Variants in SH3D19 observed in about 807,000 individuals in gnomAD.
SH3D19 encodes SH3 domain-containing protein 19.
SH3D19 carries 58 observed loss-of-function variants against 112.1 expected under a neutral mutation model. The observed-to-expected ratio is 0.52, with a 90% CI of 0.42 to 0.64. The LOEUF (loss-of-function observed/expected upper bound fraction) is 0.64. Ranked by LOEUF, SH3D19 falls within the 30% of genes least tolerant of loss-of-function variation. The probability of loss-of-function intolerance (pLI) is 0.00; values close to 1 mark genes in which losing one functional copy is unlikely to be tolerated. For synonymous variants in SH3D19, 391 were observed against 448.5 expected, an observed-to-expected ratio of 0.87 and a Z score of 1.62; for missense variants, 1,090 against 1,263.4, an observed-to-expected ratio of 0.86 and a Z score of 2.08.
chr4:151,290,849 A>G (rs931598143), intron 1 of SH3D19, among the ~76,000 whole-genome samples: 9 of 152,228 alleles, frequency 5.9e-5, no homozygotes, highest in Admixed American at 5.9e-4. Flanking sequence ...TAGTGAAAAA[A>G]TCATCTCATT....
intron 1 of SH3D19, among the ~76,000 whole-genome samples, chr4:151,290,870 C>A (rs796515703): frequency 6.6e-6 from 1 of 152,262 alleles, no homozygotes; most frequent in African/African-American, 2.4e-5. Flanking sequence ...AGTTTTATTT[C>A]TCTTTTTATC....
intron 3 of SH3D19, among the ~76,000 whole-genome samples, chr4:151,181,341 A>G (rs966153938): frequency 3.9e-5 from 6 of 152,254 alleles, no homozygotes; most frequent in African/African-American, 1.2e-4. Context: ...TGGAAGTGGA[A>G]GGTGGGAATG....
intron 8 of SH3D19, among the ~76,000 whole-genome samples, chr4:151,164,727 G>A (rs1165665547): frequency 1.3e-5 from 2 of 151,886 alleles, no homozygotes; most frequent in Non-Finnish European, 2.9e-5. Flanking sequence ...CTACAGGCGC[G>A]CAGCACCACA....
At chr4:151,153,316 C>T (rs1243742922) in intron 9 of SH3D19, among the ~76,000 whole-genome samples, 2 of 151,574 alleles carry the variant, frequency 1.3e-5, no homozygotes, top group Non-Finnish European at 2.9e-5. Context: ...GGCGCGATCT[C>T]GGCTCACTGC....
chr4:151,246,683 C>T (rs963626845), intron 1 of SH3D19, among the ~76,000 whole-genome samples: 1 of 152,106 alleles, frequency 6.6e-6, no homozygotes, highest in Admixed American at 6.6e-5. Context: ...CAGGTACTTA[C>T]CTAACTGCTT....
At chr4:151,135,193 T>G in intron 14 of SH3D19, 61 bp from the exon 15 acceptor site, 1 of 1,360,704 alleles carries the variant, frequency 7.3e-7, no homozygotes, top group Non-Finnish European at 1.0e-6. Flanking sequence ...AAGATAAATT[T>G]AAGGTTAAGT....
At chr4:151,307,998 C>G (rs1024056583) in intron 1 of SH3D19, among the ~76,000 whole-genome samples, 1 of 152,160 alleles carries the variant, frequency 6.6e-6, no homozygotes, top group African/African-American at 2.4e-5. Flanking sequence ...CTCCACCTCC[C>G]GGGTTCAAGT....
chr4:151,254,289 TTTTTTA>T (rs1219955251), intron 1 of SH3D19, among the ~76,000 whole-genome samples: 1 of 139,388 alleles, frequency 7.2e-6, no homozygotes, highest in East Asian at 2.0e-4. Flanking sequence ...AATTATTATT[TTTTTTA>T]TTTTTATTTA....
At chr4:151,139,343 G>C (rs1031218203) in intron 13 of SH3D19, among the ~76,000 whole-genome samples, 1 of 151,420 alleles carries the variant, frequency 6.6e-6, no homozygotes, top group Non-Finnish European at 1.5e-5. Context: ...TAGTAGAGAC[G>C]GGGTTTCACC....
At chr4:151,207,537 G>C (rs1580159423) in intron 2 of SH3D19, among the ~76,000 whole-genome samples, 1 of 152,290 alleles carries the variant, frequency 6.6e-6, no homozygotes, top group African/African-American at 2.4e-5. Flanking sequence ...TGAAAAGAGA[G>C]GACCAAATCT....
intron 1 of SH3D19, among the ~76,000 whole-genome samples, chr4:151,247,580 A>C (rs1328843303): frequency 6.6e-6 from 1 of 152,214 alleles, no homozygotes; most frequent in East Asian, 1.9e-4. Flanking sequence ...AAATTTACAG[A>C]GTTGTGCAAT....
chr4:151,322,234 A>G (rs1730606067), intron 1 of SH3D19, among the ~76,000 whole-genome samples: 1 of 151,960 alleles, frequency 6.6e-6, no homozygotes, highest in Non-Finnish European at 1.5e-5. Flanking sequence ...GGAGTTCGAG[A>G]TCACCCTGGC....
At chr4:151,148,687 T>G (rs1754389509) in intron 10 of SH3D19, among the ~76,000 whole-genome samples, 1 of 152,336 alleles carries the variant, frequency 6.6e-6, no homozygotes, top group South Asian at 2.1e-4. Flanking sequence ...CAAAGAAAGC[T>G]AGTTCTGAAA....
At chr4:151,229,705 G>C (rs1769448634) in intron 1 of SH3D19, among the ~76,000 whole-genome samples, 2 of 152,172 alleles carry the variant, frequency 1.3e-5, no homozygotes, top group African/African-American at 4.8e-5. Flanking sequence ...CTGAGGTCAG[G>C]AGTTTGGGAC....
intron 1 of SH3D19, among the ~76,000 whole-genome samples, chr4:151,248,867 A>G (rs991675312): frequency 6.6e-6 from 1 of 152,226 alleles, no homozygotes; most frequent in Non-Finnish European, 1.5e-5. Context: ...CATACTCCCA[A>G]GATTTCCTTA....
intron 1 of SH3D19, among the ~76,000 whole-genome samples, chr4:151,229,599 G>GT (rs771908495): frequency 3.3e-5 from 5 of 152,138 alleles, no homozygotes; most frequent in African/African-American, 4.8e-5. Flanking sequence ...AAAGTACTCT[G>GT]TAAGTAGAAC....
At chr4:151,243,330 T>A (rs1770694793) in intron 1 of SH3D19, among the ~76,000 whole-genome samples, 1 of 152,176 alleles carries the variant, frequency 6.6e-6, no homozygotes, top group South Asian at 2.1e-4. Flanking sequence ...AAACAACAAA[T>A]GAAAATTTAA....
At position 151,227,786 on chromosome 4, in the gene SH3D19, T is replaced by C; in HGVS notation, c.113-1700A>G. 5 of 985,494 alleles carry C rather than the reference T, an allele frequency of 5.1e-6. No homozygotes were observed. In the South Asian group the frequency reaches 2.3e-4, roughly 46 times the overall value. The allele number at this position is 985,494 out of a possible 1,614,324, so 61.0% of individuals were successfully genotyped here. A position where few individuals can be genotyped will look rare whatever the true frequency, so the allele number is the denominator to read the frequency against. The stretch of plus-strand genomic sequence containing the variant: ...TGTGGCTAAAGCCGAGCTAAAACTC[T>C]GTCCAGAACATCATTTCCTGTGGCT... On this transcript the variant is annotated intron_variant, in intron 1 of 19. Transcript: ENST00000604030.
rs372316648 is a variant in SH3D19, at chr4:151,198,332, TAAAA to T, written c.153-10873_153-10870del. Among the ~76,000 whole-genome samples the T allele has an allele frequency of 2.9e-3, 404 of 138,634 alleles. 1 individual carries two copies. The highest frequency in any genetic ancestry group is 4.3e-3 in the Non-Finnish European group (282 of 65,438). The allele number at this position is 138,634 out of a possible 152,430, so 90.9% of individuals were successfully genotyped here. ...AAAAAAAAAAAATATATATATAATA[TAAAA>T]ATATATATTATATAAAATATAAAAT... On this transcript the variant is annotated intron_variant, in intron 2 of 19. Transcript: ENST00000604030.
Sources: allele counts gnomAD v4.1 joint callset (sites outside exome capture counted in the v4.1 genomes callset), GRCh38; gene constraint gnomAD v4.1.1; transcripts MANE v1.5; gene names NCBI Gene and HGNC (gene_info 2026-07-23, HGNC 2026-07-21).